BHMT2: variants seen among roughly 807,000 people sequenced by gnomAD.
BHMT2 encodes the protein betaine--homocysteine S-methyltransferase 2.
BHMT2 carries 28 observed loss-of-function variants against 39.0 expected under a neutral mutation model. The ratio of observed to expected loss-of-function variants is 0.72; its 90% CI spans 0.53 to 0.98. BHMT2 has a LOEUF of 0.98. BHMT2 is among the 50% of genes least tolerant of loss of function. The pLI, the probability that BHMT2 is intolerant of heterozygous loss-of-function variation, is 0.00. For missense variants in BHMT2, 410 were observed against 455.6 expected (o/e 0.90, Z 0.91); for synonymous variants, 145 against 160.6 (o/e 0.90, Z 0.74).
intron 1 of BHMT2, 56 bp from the exon 2 acceptor site, chr5:79,077,424 T>G: frequency 6.4e-7 from 1 of 1,552,144 alleles, no homozygotes; most frequent in Non-Finnish European, 8.7e-7. Context: ...GAAAATGCTT[T>G]TAGGAAAAAA....
chr5:79,088,774 A>C lies in BHMT2; in HGVS notation c.*200A>C. ...CTGCTGTGGTTAAGCACTGCAACAG[A>C]CTCTACCAGAGATGCAAAGAGAAGC... is the stretch of plus-strand genomic sequence containing the variant. On this transcript the variant is annotated 3_prime_UTR_variant, in exon 8 of 8. Coordinates refer to ENST00000255192, the MANE Select transcript of BHMT2 (RefSeq NM_017614.5). The C allele has an allele frequency of 2.1e-6, 1 of 479,084 alleles. No individual in the cohort carries two copies. Among genetic ancestry groups the C allele is most frequent in the Non-Finnish European group, 3.8e-6 (1 of 261,400 alleles). The allele number at this position is 479,084 out of a possible 1,614,324, so 29.7% of individuals were successfully genotyped here. A position where few individuals can be genotyped will look rare whatever the true frequency, so the allele number is the denominator to read the frequency against.
intron 1 of BHMT2, among the ~76,000 whole-genome samples, chr5:79,076,503 C>A (rs752090707): frequency 2.6e-5 from 4 of 152,152 alleles, no homozygotes; most frequent in Admixed American, 6.5e-5. Flanking sequence ...CACCCCATGG[C>A]TAACTGCTCT....
chr5:79,073,716 C>T (rs1332763218), intron 1 of BHMT2, among the ~76,000 whole-genome samples: 2 of 152,198 alleles, frequency 1.3e-5, no homozygotes, highest in Admixed American at 6.5e-5. Flanking sequence ...AGAGCTCTCT[C>T]TGCCAAAATA....
chr5:79,081,951 C>T (rs1393940378), intron 4 of BHMT2, among the ~76,000 whole-genome samples: 1 of 152,188 alleles, frequency 6.6e-6, no homozygotes, highest in African/African-American at 2.4e-5. Context: ...TCCTCCTGCC[C>T]ACGCCTGGCC....
At chr5:79,071,711 T>G (rs1167341179) in intron 1 of BHMT2, among the ~76,000 whole-genome samples, 1 of 151,276 alleles carries the variant, frequency 6.6e-6, no homozygotes, top group Non-Finnish European at 1.5e-5. Context: ...TAATGGATAC[T>G]AGGCTTAATA....
intron 1 of BHMT2, among the ~76,000 whole-genome samples, chr5:79,075,501 A>G (rs1346512538): frequency 6.6e-6 from 1 of 152,128 alleles, no homozygotes; most frequent in Non-Finnish European, 1.5e-5. Flanking sequence ...TAAAAGAGGC[A>G]TCTGAGGCTT....
intron 7 of BHMT2, 94 bp from the exon 8 acceptor site, chr5:79,088,399 G>GTGTGTGTGTGTGT: frequency 1.4e-5 from 5 of 358,138 alleles, no homozygotes; most frequent in African/African-American, 1.2e-4. Context: ...TGTGTGTGTG[G>GTGTGTGTGTGTGT]TTATATACAT....
Position 79,088,871 on chromosome 5 carries a change from A to C in BHMT2, c.*297A>C, listed in dbSNP as rs1755960741. The C allele has an allele frequency of 4.3e-6, 1 of 231,078 alleles. No individual in the cohort carries two copies. Among genetic ancestry groups the C allele is most frequent in the African/African-American group, 2.3e-5 (1 of 44,070 alleles). 14.3% of individuals were successfully genotyped at this position (231,078 alleles called of 1,614,324 possible). On this transcript the variant is annotated 3_prime_UTR_variant, in exon 8 of 8. Coordinates refer to ENST00000255192, the MANE Select transcript of BHMT2 (RefSeq NM_017614.5). ...TGGTGCATTCCTTTGAAGATCATGA[A>C]GAATAGCCAAACTTGTCTTTGAGGG...
chr5:79,087,012 G>GTATATATATATATATATA (rs1237997664), intron 7 of BHMT2, among the ~76,000 whole-genome samples: 3 of 108,134 alleles, frequency 2.8e-5, no homozygotes, highest in African/African-American at 1.3e-4. Flanking sequence ...GTGTGTGTGT[G>GTATATATATATATATATA]TGTATATATA....
chr5:79,084,364 C>T (rs953083708), intron 7 of BHMT2, among the ~76,000 whole-genome samples: 5 of 152,082 alleles, frequency 3.3e-5, no homozygotes, highest in Non-Finnish European at 5.9e-5. Flanking sequence ...GCAACCTCTG[C>T]CCCCCAGGTT....
intron 1 of BHMT2, among the ~76,000 whole-genome samples, chr5:79,077,128 C>A (rs1403228561): frequency 6.6e-6 from 1 of 152,168 alleles, no homozygotes; most frequent in East Asian, 1.9e-4. Context: ...GGGGCATTGT[C>A]CCCCCACACA....
intron 4 of BHMT2, among the ~76,000 whole-genome samples, chr5:79,081,903 T>C (rs1755795045): frequency 6.6e-6 from 1 of 152,026 alleles, no homozygotes; most frequent in Non-Finnish European, 1.5e-5. Flanking sequence ...TTATTCCCCC[T>C]AGTGACCCCA....
intron 2 of BHMT2, chr5:79,077,977 A>G (rs962286855): frequency 6.2e-6 from 1 of 161,438 alleles, no homozygotes; most frequent in Admixed American, 6.4e-5. Context: ...ACACACACAC[A>G]CTCTCATACA....
chr5:79,077,113 A>C (rs916869679), intron 1 of BHMT2, among the ~76,000 whole-genome samples: 1 of 152,204 alleles, frequency 6.6e-6, no homozygotes, highest in Non-Finnish European at 1.5e-5. Context: ...ATTTTTTGAA[A>C]GTTAGGGGCA....
intron 1 of BHMT2, among the ~76,000 whole-genome samples, chr5:79,071,678 G>C (rs1225718031): frequency 5.3e-5 from 8 of 152,088 alleles, no homozygotes; most frequent in Admixed American, 1.3e-4. Context: ...GGTGGAAGGA[G>C]GGAGAGGATC....
chr5:79,080,203 G>GT (rs1453378616), intron 3 of BHMT2, among the ~76,000 whole-genome samples: 1 of 152,204 alleles, frequency 6.6e-6, no homozygotes, highest in Non-Finnish European at 1.5e-5. Context: ...TTGAGCATTG[G>GT]TTTTCTCTCT....
intron 1 of BHMT2, chr5:79,071,146 G>A (rs991344545): frequency 6.6e-6 from 1 of 152,188 alleles, no homozygotes; most frequent in Admixed American, 6.5e-5. Context: ...ACTAATCCAT[G>A]TGAATGTGTA....
intron 2 of BHMT2, 189 bp downstream of exon 2, chr5:79,077,801 T>C: frequency 1.9e-6 from 1 of 536,986 alleles, no homozygotes. Flanking sequence ...CTCTCTCTCA[T>C]ACACACACCT....
Position 79,079,479 on chromosome 5 carries a change from G to C in BHMT2, c.258+19G>C. On this transcript the variant is annotated intron_variant, in intron 3 of 7. Transcript: ENST00000255192. Reference sequence around the variant, plus strand: ...AAGCAAGGTAAACGGCAATGGCTGGGTGTGGGGGAGGGAGTCATCTATTAA... The same window carrying C: ...AAGCAAGGTAAACGGCAATGGCTGGCTGTGGGGGAGGGAGTCATCTATTAA... The C allele has an allele frequency of 6.4e-7, 1 of 1,565,230 alleles. No individual in the cohort carries two copies. Among genetic ancestry groups the C allele is most frequent in the Non-Finnish European group, 8.8e-7 (1 of 1,137,056 alleles).
Sources: allele counts gnomAD v4.1 joint callset (sites outside exome capture counted in the v4.1 genomes callset), GRCh38; gene constraint gnomAD v4.1.1; transcripts MANE v1.5; gene names NCBI Gene and HGNC (gene_info 2026-07-23, HGNC 2026-07-21).